FAM120C: variants seen among roughly 807,000 people sequenced by gnomAD.
FAM120C encodes family with sequence similarity 120 member C.
In FAM120C, 14 loss-of-function variants were observed where a neutral mutation model predicts 71.2. The ratio of observed to expected loss-of-function variants is 0.20; its 90% confidence interval spans 0.13 to 0.31. The LOEUF is 0.31. Among genes scored for constraint, FAM120C ranks in the 10% least tolerant of loss-of-function variants. The pLI, the probability that FAM120C is intolerant of heterozygous loss-of-function variation, is 1.00. For missense variants in FAM120C, 500 were observed against 879.0 expected, an observed-to-expected ratio of 0.57 and a Z score of 5.45; for synonymous variants, 354 against 353.2, an observed-to-expected ratio of 1.00 and a Z score of -0.03.
chrX:54,117,949 C>T (rs958776456), intron 9 of FAM120C, among the ~76,000 whole-genome samples: 5 of 111,470 alleles, frequency 4.5e-5, no homozygotes, highest in African/African-American at 1.3e-4. Context: ...GCAGGCTGGG[C>T]GTGGTGGTTC....
intron 1 of FAM120C, 21 bp from the exon 2 acceptor site, chrX:54,159,637 G>A (rs782723603): frequency 6.6e-6 from 8 of 1,205,465 alleles, no homozygotes; most frequent in South Asian, 5.3e-5. Context: ...AGAAGAGAAC[G>A]TGTCATGCCA....
At chrX:54,182,368 G>T in intron 1 of FAM120C, 132 bp downstream of exon 1, 1 of 769,464 alleles carries the variant, frequency 1.3e-6, no homozygotes, top group Non-Finnish European at 1.8e-6. Context: ...AGGCAGGTAG[G>T]TTAGCTGTTG....
chrX:54,088,536 G>A (rs2066806308), intron 11 of FAM120C, among the ~76,000 whole-genome samples: 1 of 86,438 alleles, frequency 1.2e-5, no homozygotes, highest in Non-Finnish European at 2.1e-5. Context: ...AGGTTGCAGT[G>A]AGCCGAGATT....
At chrX:54,170,826 C>G (rs192827466) in intron 1 of FAM120C, among the ~76,000 whole-genome samples, 245 of 112,095 alleles carry the variant, frequency 2.2e-3, no homozygotes, top group African/African-American at 7.7e-3. Flanking sequence ...TGAAGGTCCT[C>G]AGAAATAATT....
At chrX:54,167,933 A>G (rs372631842) in intron 1 of FAM120C, among the ~76,000 whole-genome samples, 2 of 103,279 alleles carry the variant, frequency 1.9e-5, no homozygotes, top group East Asian at 6.1e-4. Flanking sequence ...GCGCCACTGC[A>G]CTCCAGCCTG....
chrX:54,180,675 C>T (rs1213090658), intron 1 of FAM120C, among the ~76,000 whole-genome samples: 7 of 111,980 alleles, frequency 6.3e-5, no homozygotes, highest in African/African-American at 9.8e-5. Context: ...AGGAAGACCA[C>T]ATAGGCACAA....
At chrX:54,089,851 C>A (rs1378874960) in intron 11 of FAM120C, among the ~76,000 whole-genome samples, 1 of 109,174 alleles carries the variant, frequency 9.2e-6, no homozygotes, top group Non-Finnish European at 1.9e-5. Context: ...CCCAGCTAGT[C>A]GGGAGGCTGA....
intron 15 of FAM120C, among the ~76,000 whole-genome samples, chrX:54,078,563 T>C (rs141589520): frequency 4.4e-4 from 49 of 111,411 alleles, no homozygotes; most frequent in African/African-American, 1.5e-3. Context: ...TGAGGAAACA[T>C]TAGATGATGG....
intron 2 of FAM120C, among the ~76,000 whole-genome samples, chrX:54,158,747 C>A (rs782184704): frequency 9.0e-6 from 1 of 110,542 alleles, no homozygotes; most frequent in Admixed American, 9.7e-5. Context: ...CCAGCCTGGG[C>A]GACACAGCGA....
chrX:54,139,329 T>TTTTATTTATTTA (rs375711849), intron 4 of FAM120C, among the ~76,000 whole-genome samples: 45,811 of 88,753 alleles, frequency 0.52, 10,660 homozygotes, highest in Admixed American at 0.64. Context: ...TTTTTTTTGC[T>TTTTATTTATTTA]TTTATTTATT....
intron 13 of FAM120C, among the ~76,000 whole-genome samples, chrX:54,083,125 A>G (rs1178354243): frequency 9.4e-6 from 1 of 106,285 alleles, no homozygotes; most frequent in Admixed American, 1.0e-4. Flanking sequence ...TCTCAAAAGA[A>G]AAAAAAAAAA....
At chrX:54,142,478 G>A (rs1226895428) in intron 4 of FAM120C, among the ~76,000 whole-genome samples, 1 of 111,471 alleles carries the variant, frequency 9.0e-6, no homozygotes, top group African/African-American at 3.3e-5. Context: ...TGCCCACAGA[G>A]CCTCACTCAC....
At chrX:54,156,918 G>C (rs1293756694) in intron 3 of FAM120C, among the ~76,000 whole-genome samples, 1 of 106,069 alleles carries the variant, frequency 9.4e-6, no homozygotes, top group African/African-American at 3.4e-5. Flanking sequence ...AATGAGCCAG[G>C]CCTGTAATCC....
At chrX:54,180,041 T>C (rs1417873411) in intron 1 of FAM120C, among the ~76,000 whole-genome samples, 2 of 112,294 alleles carry the variant, frequency 1.8e-5, no homozygotes, top group African/African-American at 6.5e-5. Flanking sequence ...ATTCAATCCA[T>C]CTTTTTTATT....
chrX:54,078,657 C>T (rs914600784), intron 15 of FAM120C, among the ~76,000 whole-genome samples: 3 of 111,555 alleles, frequency 2.7e-5, no homozygotes, highest in Non-Finnish European at 1.9e-5. Context: ...CCCAGGATTA[C>T]AGACTACATG....
At chrX:54,173,182 T>C (rs1014010045) in intron 1 of FAM120C, among the ~76,000 whole-genome samples, 1 of 112,904 alleles carries the variant, frequency 8.9e-6, no homozygotes, top group African/African-American at 3.2e-5. Context: ...TCTAGAAATA[T>C]AGCCTGTTGA....
intron 15 of FAM120C, among the ~76,000 whole-genome samples, chrX:54,076,459 C>T (rs1199205961): frequency 9.0e-6 from 1 of 111,032 alleles, no homozygotes; most frequent in Non-Finnish European, 1.9e-5. Context: ...TATTAATTAT[C>T]TCATACTCTT....
chrX:54,094,396 C>T (rs1557122980), intron 10 of FAM120C, among the ~76,000 whole-genome samples: 3 of 108,245 alleles, frequency 2.8e-5, no homozygotes, highest in Non-Finnish European at 5.7e-5. Context: ...CGCACCTGGC[C>T]TCCACTACTC....
chrX:54,136,065 CT>C (rs1162496039), intron 5 of FAM120C, among the ~76,000 whole-genome samples: 1 of 106,745 alleles, frequency 9.4e-6, no homozygotes, highest in Non-Finnish European at 1.9e-5. Context: ...ATGGCGCGAT[CT>C]TGGCTCACCG....
Sources: allele counts gnomAD v4.1 joint callset (sites outside exome capture counted in the v4.1 genomes callset), GRCh38; gene constraint gnomAD v4.1.1; transcripts MANE v1.5; gene names NCBI Gene and HGNC (gene_info 2026-07-23, HGNC 2026-07-21).